Variants in CTNNA3 observed in about 807,000 individuals in gnomAD.
The protein encoded by CTNNA3 is catenin alpha-3.
In CTNNA3, 76 loss-of-function variants were observed where a neutral mutation model predicts 95.7. The ratio of observed to expected loss-of-function variants is 0.79; its 90% confidence interval spans 0.66 to 0.96. The LOEUF (loss-of-function observed/expected upper bound fraction) is 0.96. Ranked by LOEUF, CTNNA3 falls within the 40% of genes least tolerant of loss-of-function variation. The probability of loss-of-function intolerance (pLI) is 0.00; values close to 1 mark genes in which losing one functional copy is unlikely to be tolerated. For synonymous variants in CTNNA3, 431 were observed against 374.4 expected, an observed-to-expected ratio of 1.15 and a Z score of -1.74; for missense variants, 1,191 against 1,089.8, an observed-to-expected ratio of 1.09 and a Z score of -1.31.
intron 10 of CTNNA3, among the ~76,000 whole-genome samples, chr10:66,618,299 G>T (rs925514448): frequency 6.6e-6 from 1 of 151,898 alleles, no homozygotes; most frequent in African/African-American, 2.4e-5. Flanking sequence ...CACGCTACCT[G>T]ACTTCAAACT....
chr10:66,656,517 T>C (rs553743629), intron 9 of CTNNA3, among the ~76,000 whole-genome samples: 41 of 152,230 alleles, frequency 2.7e-4, no homozygotes, highest in Admixed American at 2.6e-3. Context: ...TAGGAAGGAC[T>C]TTATACATAG....
intron 5 of CTNNA3, among the ~76,000 whole-genome samples, chr10:67,329,104 G>C (rs1386607846): frequency 2.0e-5 from 3 of 152,172 alleles, no homozygotes; most frequent in African/African-American, 7.2e-5. Flanking sequence ...GGGTGCAAGG[G>C]CTCATGCCTA....
chr10:66,455,180 C>T (rs2093488074), intron 11 of CTNNA3, among the ~76,000 whole-genome samples: 1 of 152,038 alleles, frequency 6.6e-6, no homozygotes, highest in Non-Finnish European at 1.5e-5. Flanking sequence ...AGAATATTGG[C>T]TTTTCTCTTA....
intron 17 of CTNNA3, among the ~76,000 whole-genome samples, chr10:65,927,969 T>G (rs2077192566): frequency 6.6e-6 from 1 of 152,154 alleles, no homozygotes; most frequent in Admixed American, 6.5e-5. Flanking sequence ...TATTTTGATA[T>G]TTTGATTCTT....
chr10:67,653,362 C>A (rs1347563561), intron 1 of CTNNA3, among the ~76,000 whole-genome samples: 2 of 152,198 alleles, frequency 1.3e-5, no homozygotes, highest in African/African-American at 4.8e-5. Context: ...CTACATGAAA[C>A]TTGGGTGGGG....
intron 10 of CTNNA3, among the ~76,000 whole-genome samples, chr10:66,528,257 T>C (rs1841339041): frequency 6.6e-6 from 1 of 152,090 alleles, no homozygotes; most frequent in Non-Finnish European, 1.5e-5. Flanking sequence ...CTATCTTCTT[T>C]AGGCTTCTCC....
chr10:66,665,366 T>C (rs1340907573), intron 9 of CTNNA3, among the ~76,000 whole-genome samples: 4 of 152,166 alleles, frequency 2.6e-5, no homozygotes, highest in Non-Finnish European at 4.4e-5. Flanking sequence ...CAACACATAA[T>C]AATAACAACA....
intron 7 of CTNNA3, among the ~76,000 whole-genome samples, chr10:66,859,199 T>C (rs1463556807): frequency 6.6e-6 from 1 of 152,054 alleles, no homozygotes; most frequent in East Asian, 1.9e-4. Flanking sequence ...CCATAGCTTC[T>C]TAGAATTTGA....
intron 5 of CTNNA3, among the ~76,000 whole-genome samples, chr10:67,300,495 G>A (rs537446851): frequency 1.1e-3 from 164 of 152,174 alleles, no homozygotes; most frequent in Non-Finnish European, 1.6e-3. Context: ...TAGGGAGTAC[G>A]GTTAGGAGTT....
At chr10:66,146,681 T>C (rs1448961562) in intron 13 of CTNNA3, among the ~76,000 whole-genome samples, 1 of 152,102 alleles carries the variant, frequency 6.6e-6, no homozygotes, top group Non-Finnish European at 1.5e-5. Context: ...CTTGGCCTCC[T>C]GAGTATCTGG....
At chr10:66,425,312 C>T (rs1273734643) in intron 11 of CTNNA3, among the ~76,000 whole-genome samples, 4 of 151,696 alleles carry the variant, frequency 2.6e-5, no homozygotes, top group African/African-American at 9.7e-5. Flanking sequence ...AATAAATTTA[C>T]AATGAGTATG....
chr10:67,252,218 C>CAAAA (rs34502404), intron 5 of CTNNA3, among the ~76,000 whole-genome samples: 86 of 87,254 alleles, frequency 9.9e-4, no homozygotes, highest in African/African-American at 1.9e-3. Flanking sequence ...AACACTGTCT[C>CAAAA]AAAAAAAAAA....
At chr10:67,545,179 A>G (rs1164229803) in intron 3 of CTNNA3, among the ~76,000 whole-genome samples, 1 of 152,212 alleles carries the variant, frequency 6.6e-6, no homozygotes, top group Non-Finnish European at 1.5e-5. Context: ...AAAATGTTTT[A>G]TAAAACATAA....
intron 10 of CTNNA3, among the ~76,000 whole-genome samples, chr10:66,615,295 G>A (rs1416780771): frequency 7.9e-5 from 12 of 152,048 alleles, no homozygotes; most frequent in South Asian, 2.1e-4. Context: ...CGTATCACAC[G>A]TGAGCATGAA....
chr10:66,430,541 G>A (rs1252324592), intron 11 of CTNNA3, among the ~76,000 whole-genome samples: 1 of 152,068 alleles, frequency 6.6e-6, no homozygotes, highest in East Asian at 1.9e-4. Context: ...CATGATACTG[G>A]TACCAAAACA....
chr10:67,497,932 G>T (rs1036810858), intron 5 of CTNNA3, among the ~76,000 whole-genome samples: 4 of 152,246 alleles, frequency 2.6e-5, no homozygotes, highest in Non-Finnish European at 4.4e-5. Context: ...AAGCTCTTTA[G>T]TTCAAATTAG....
At chr10:67,438,643 G>A (rs955706600) in intron 5 of CTNNA3, among the ~76,000 whole-genome samples, 3 of 152,166 alleles carry the variant, frequency 2.0e-5, no homozygotes, top group African/African-American at 7.2e-5. Flanking sequence ...AAGCACTGAA[G>A]AGGGTATGAA....
intron 7 of CTNNA3, among the ~76,000 whole-genome samples, chr10:67,092,318 A>T (rs192437250): frequency 1.4e-4 from 22 of 152,110 alleles, no homozygotes; most frequent in Admixed American, 1.3e-3. Flanking sequence ...ATATTTATAC[A>T]TACTAAAATC....
intron 7 of CTNNA3, among the ~76,000 whole-genome samples, chr10:67,083,668 C>T (rs1010019298): frequency 6.6e-6 from 1 of 152,120 alleles, no homozygotes; most frequent in African/African-American, 2.4e-5. Context: ...AACCATGTGG[C>T]TTTCCCTCTA....
Sources: gnomAD v4.1 joint callset for allele counts (sites outside exome capture counted in the v4.1 genomes callset) on GRCh38, gnomAD v4.1.1 for gene constraint, MANE v1.5 for transcripts, NCBI Gene and HGNC (gene_info 2026-07-23, HGNC 2026-07-21) for gene names.